Variants in SGCG observed in about 807,000 individuals in gnomAD.
SGCG encodes the protein gamma-sarcoglycan.
Under a neutral mutation model 29.3 loss-of-function variants are expected in SGCG, and 26 were observed. The ratio of observed to expected loss-of-function variants is 0.89; its 90% CI spans 0.65 to 1.23. The LOEUF is 1.23. SGCG is among the 50% of genes most tolerant of loss of function. SGCG has a pLI of 0.00. For missense variants in SGCG, 353 were observed against 356.0 expected (o/e 0.99, Z 0.07); for synonymous variants, 145 against 129.7 (o/e 1.12, Z -0.80).
chr13:23,170,711 A>G, the SGCG span: 1 of 152,260 alleles, frequency 6.6e-6, no homozygotes. Flanking sequence ...TCAGAGGACA[A>G]AGATTTCTTG....
In SGCG at chr13:23,275,261, T is replaced by C. The variant is rs1052564781; in HGVS notation, c.386-4098T>C. Among the ~76,000 whole-genome samples the C allele has an allele frequency of 2.0e-5, 3 of 151,792 alleles. No individual in the cohort carries two copies. The East Asian group carries it at 5.8e-4, about 29-fold the overall frequency. On this transcript the variant is annotated intron_variant, in intron 4 of 7. Transcript: ENST00000218867. ...TGGGTGCAGTGGCTCATGCCTGTAA[T>C]CCCAGCACTTTGGGAGGCAGAGGTG...
At chr13:23,221,297 G>C (rs1056299079) in intron 2 of SGCG, among the ~76,000 whole-genome samples, 12 of 152,150 alleles carry the variant, frequency 7.9e-5, no homozygotes, top group African/African-American at 2.9e-4. Flanking sequence ...GGAATTGTTG[G>C]TGTGAAGTTA....
intron 6 of SGCG, among the ~76,000 whole-genome samples, chr13:23,314,407 T>TATATATAA (rs1439124394): frequency 8.0e-4 from 113 of 140,938 alleles, no homozygotes; most frequent in Middle Eastern, 3.8e-3. Context: ...TATATATATA[T>TATATATAA]AATCTTATTC....
intron 6 of SGCG, among the ~76,000 whole-genome samples, chr13:23,316,609 TC>T (rs1400727676): frequency 6.6e-6 from 1 of 152,128 alleles, no homozygotes; most frequent in East Asian, 1.9e-4. Context: ...GTACTGTTTC[TC>T]CCATAGCCAG....
intron 2 of SGCG, among the ~76,000 whole-genome samples, chr13:23,211,309 G>A (rs1878200152): frequency 6.6e-6 from 1 of 152,146 alleles, no homozygotes; most frequent in African/African-American, 2.4e-5. Context: ...TAACTTTCCA[G>A]CCACACACAT....
Position 23,324,700 on chromosome 13 carries a change from A to G in SGCG, c.*159A>G. 1 of 679,904 alleles carries G rather than the reference A, an allele frequency of 1.5e-6. No individual in the cohort carries two copies. Among genetic ancestry groups the G allele is most frequent in the East Asian group, 2.8e-5 (1 of 36,346 alleles). The allele number at this position is 679,904 out of a possible 1,614,324, so 42.1% of individuals were successfully genotyped here. On this transcript the variant is annotated 3_prime_UTR_variant, in exon 8 of 8. Transcript: ENST00000218867. ...TATGTGCCAGTGAAAGTGTTTGGAC[A>G]AAAACTACATGATCTCAAAATGCAC...
intron 1 of SGCG, among the ~76,000 whole-genome samples, chr13:23,185,378 G>C (rs913956656): frequency 4.6e-5 from 7 of 152,136 alleles, no homozygotes; most frequent in Admixed American, 2.6e-4. Context: ...TTTTAGTAGA[G>C]ACAGGGTTTC....
chr13:23,170,640 C>T, the SGCG span: 8 of 152,316 alleles, frequency 5.3e-5, no homozygotes, highest in African/African-American at 1.7e-4. Flanking sequence ...TTGCCACCAC[C>T]TTTGTGACCT....
chr13:23,289,645 A>G (rs1482011141), intron 5 of SGCG, among the ~76,000 whole-genome samples: 1 of 149,584 alleles, frequency 6.7e-6, no homozygotes, highest in African/African-American at 2.4e-5. Flanking sequence ...ACTGACATTC[A>G]TTGTGATAAG....
chr13:23,186,571 A>T (rs971256316), intron 1 of SGCG, among the ~76,000 whole-genome samples: 1 of 152,088 alleles, frequency 6.6e-6, no homozygotes, highest in Non-Finnish European at 1.5e-5. Flanking sequence ...TTCCAGAGGG[A>T]TATATCCTAT....
intron 2 of SGCG, among the ~76,000 whole-genome samples, chr13:23,220,312 G>A (rs1466372586): frequency 6.6e-6 from 1 of 152,118 alleles, no homozygotes; most frequent in African/African-American, 2.4e-5. Flanking sequence ...TTAGCCGGGC[G>A]TGTGGTGCAT....
At chr13:23,309,769 A>G (rs1339391991) in intron 6 of SGCG, among the ~76,000 whole-genome samples, 4 of 152,222 alleles carry the variant, frequency 2.6e-5, no homozygotes, top group Non-Finnish European at 4.4e-5. Context: ...CTCACATATG[A>G]AATGAAAGAG....
chr13:23,259,930 C>A (rs1217464461), intron 4 of SGCG, among the ~76,000 whole-genome samples: 1 of 151,728 alleles, frequency 6.6e-6, no homozygotes, highest in Non-Finnish European at 1.5e-5. Flanking sequence ...GATTTCTGTT[C>A]TTTTACATTT....
the SGCG span, among the ~76,000 whole-genome samples, chr13:23,169,140 T>A: frequency 1.3e-5 from 2 of 151,922 alleles, no homozygotes; most frequent in Non-Finnish European, 2.9e-5. Flanking sequence ...TCTACCCTCA[T>A]TTTTGACCCC....
At chr13:23,310,256 T>G (rs903637001) in intron 6 of SGCG, among the ~76,000 whole-genome samples, 4 of 151,798 alleles carry the variant, frequency 2.6e-5, no homozygotes, top group Non-Finnish European at 5.9e-5. Flanking sequence ...CCGGGTAATT[T>G]TTTGTATTTT....
At chr13:23,237,879 C>T (rs549248925) in intron 3 of SGCG, among the ~76,000 whole-genome samples, 6 of 150,268 alleles carry the variant, frequency 4.0e-5, no homozygotes, top group Admixed American at 2.6e-4. Flanking sequence ...CTGAAAATGA[C>T]TAGAAAAACA....
chr13:23,193,099 T>G (rs1593165062), intron 1 of SGCG, among the ~76,000 whole-genome samples: 1 of 152,088 alleles, frequency 6.6e-6, no homozygotes, highest in African/African-American at 2.4e-5. Context: ...AAGGCTGAGG[T>G]CAGGAGGACA....
intron 5 of SGCG, among the ~76,000 whole-genome samples, chr13:23,289,948 A>G (rs1011534174): frequency 2.6e-5 from 4 of 152,194 alleles, no homozygotes; most frequent in Non-Finnish European, 5.9e-5. Flanking sequence ...GAGGATGTCA[A>G]TTGTAGTACA....
chr13:23,282,950 GT>G (rs1401216808), intron 5 of SGCG, among the ~76,000 whole-genome samples: 1 of 152,172 alleles, frequency 6.6e-6, no homozygotes, highest in Non-Finnish European at 1.5e-5. Flanking sequence ...TTAATCCTGA[GT>G]CCTAACTTGA....
Sources: allele counts gnomAD v4.1 joint callset (sites outside exome capture counted in the v4.1 genomes callset), GRCh38; gene constraint gnomAD v4.1.1; transcripts MANE v1.5; gene names NCBI Gene and HGNC (gene_info 2026-07-23, HGNC 2026-07-21).